The following NLRP12 variants were observed in gnomAD, a reference collection of about 807,000 sequenced individuals.
The protein encoded by NLRP12 is NACHT, LRR and PYD domains-containing protein 12.
NLRP12 carries 108 observed loss-of-function variants against 91.2 expected under a neutral mutation model. The observed-to-expected ratio is 1.18, with a 90% CI of 1.01 to 1.39. The LOEUF (loss-of-function observed/expected upper bound fraction) is 1.39. NLRP12 is among the 40% of genes most tolerant of loss of function. The pLI, the probability that NLRP12 is intolerant of heterozygous loss-of-function variation, is 0.00. For synonymous variants in NLRP12, 613 were observed against 566.7 expected, an observed-to-expected ratio of 1.08 and a Z score of -1.16; for missense variants, 1,530 against 1,352.7, an observed-to-expected ratio of 1.13 and a Z score of -2.06.
intron 1 of NLRP12, among the ~76,000 whole-genome samples, chr19:53,817,014 G>T (rs1207449914): frequency 9.3e-3 from 1 of 108 alleles, no homozygotes; most frequent in Non-Finnish European, 0.019. Flanking sequence ...AAGAGGGCCA[G>T]GGCGCGGTGG....
intron 1 of NLRP12, among the ~76,000 whole-genome samples, chr19:53,822,529 A>C (rs1313422027): frequency 5.3e-5 from 8 of 151,944 alleles, no homozygotes; most frequent in African/African-American, 1.7e-4. Flanking sequence ...TCAGAAGTTC[A>C]AGACCAGCCT....
intron 7 of NLRP12, 85 bp downstream of exon 7, chr19:53,801,142 A>AG: frequency 7.9e-7 from 1 of 1,261,256 alleles, no homozygotes; most frequent in Non-Finnish European, 1.2e-6. Context: ...TTAGGAGCAG[A>AG]GACAACCTGG....
rs1480083584 is a variant in NLRP12, at chr19:53,809,969, ACAGGAAGCGGCTGGTGAGTGC to A, written c.1669_1689del (p.Ala557_Leu563del). On this transcript the variant is annotated inframe_deletion, in exon 3 of 10. Coordinates refer to ENST00000324134, the MANE Select transcript of NLRP12 (RefSeq NM_144687.4). ...CTGGTCTCCTCGTTCAGGAGTCCAAACAGGAAGCGGCTGGTGAGTGCCAGGAAGCTCCTTTCAGAAAACGCG... is the reference window on the plus strand; with the variant it reads ...CTGGTCTCCTCGTTCAGGAGTCCAAACAGGAAGCTCCTTTCAGAAAACGCG... 3.1e-6 allele frequency: 5 copies of A among 1,614,104 alleles called. No individual in the cohort carries two copies. The highest frequency in any genetic ancestry group is 4.2e-6 in the Non-Finnish European group (5 of 1,180,028).
chr19:53,809,811 G>A lies in NLRP12; in HGVS notation c.1848C>T (p.Cys616=). Residue 616 remains cysteine, a synonymous_variant, in exon 3 of 10, where the codon TGC becomes TGT. Transcript: ENST00000324134. ...ACTCCTCCTCCTGGATCTCGTACAAGCAGCTGAAGAACTCCAAGGAGCCCT... is the reference window on the plus strand; with the variant it reads ...ACTCCTCCTCCTGGATCTCGTACAAACAGCTGAAGAACTCCAAGGAGCCCT... ...LQQGSLEFFS[C]LYEIQEEEFI... 2 of 1,614,128 alleles carry A rather than the reference G, an allele frequency of 1.2e-6. No homozygotes were observed. Among genetic ancestry groups the A allele is most frequent in the South Asian group, 2.2e-5 (2 of 91,090 alleles).
intron 2 of NLRP12, among the ~76,000 whole-genome samples, chr19:53,814,384 A>T (rs2092124927): frequency 6.6e-6 from 1 of 150,526 alleles, no homozygotes; most frequent in African/African-American, 2.4e-5. Context: ...ATGGAGTCTC[A>T]CTCTGTTGCC....
At position 53,798,334 on chromosome 19, in the gene NLRP12, G is replaced by C. The variant is rs1376488367; in HGVS notation, c.2836C>G (p.Leu946Val). 1 of 1,614,138 alleles carries C rather than the reference G, an allele frequency of 6.2e-7. No individual in the cohort carries two copies. Among genetic ancestry groups the C allele is most frequent in the Non-Finnish European group, 8.5e-7 (1 of 1,180,028 alleles). The change falls in exon 8 of 10, where the codon CTG becomes GTG. Residue 946 changes from leucine to valine, a missense_variant. By Grantham distance (32) the Leu-to-Val change is conservative. Transcript: ENST00000324134. ...CCCAGGTCGTTGAAACTCAAGTCCA[G>C]CTCCCGGAGGTTGTGGTTGGCCTGG... is the stretch of plus-strand genomic sequence containing the variant. ...VLQANHNLRE[L>V]DLSFNDLGDW... is the part of the protein sequence containing the mutation.
intron 1 of NLRP12, among the ~76,000 whole-genome samples, chr19:53,816,661 A>G (rs987083380): frequency 5.3e-5 from 8 of 152,088 alleles, no homozygotes; most frequent in Non-Finnish European, 1.0e-4. Context: ...AGCTGGGACT[A>G]CAGGCACCCA....
At chr19:53,809,566 G>T in intron 3 of NLRP12, 21 bp downstream of exon 3, 2 of 1,513,762 alleles carry the variant, frequency 1.3e-6, no homozygotes, top group South Asian at 1.1e-5. Context: ...CAGCCCCAGG[G>T]GATACCCCAG....
intron 7 of NLRP12, among the ~76,000 whole-genome samples, chr19:53,799,602 G>A (rs2091833144): frequency 6.6e-6 from 1 of 151,830 alleles, no homozygotes; most frequent in African/African-American, 2.4e-5. Flanking sequence ...TTCTGCCTCA[G>A]CCTCCTGAGT....
intron 3 of NLRP12, 58 bp downstream of exon 3, chr19:53,809,517 CAAAAAAAAAAAA>C (rs3973672): frequency 1.6e-5 from 11 of 691,922 alleles, no homozygotes; most frequent in Non-Finnish European, 2.0e-5. Flanking sequence ...GGCAACAGAG[CAAAAAAAAAAAA>C]AAAAAAAAAA....
At chr19:53,795,107 C>CTGT (rs1555792119) in intron 9 of NLRP12, among the ~76,000 whole-genome samples, 1,404 of 85,440 alleles carry the variant, frequency 0.016, 11 homozygotes, top group African/African-American at 0.038. Context: ...CTGGTGTGTG[C>CTGT]GTGTGTGTGT....
At position 53,809,937 on chromosome 19, in the gene NLRP12, G is replaced by A. The variant is rs766325126; in HGVS notation, c.1722C>T (p.His574=). The A allele has an allele frequency of 6.2e-7, 1 of 1,614,088 alleles. No homozygotes were observed. Among genetic ancestry groups the A allele is most frequent in the Admixed American group, 1.7e-5 (1 of 60,002 alleles). ...FGLLNEETRS[H]LEKSLCWKVS... The stretch of plus-strand genomic sequence containing the variant: ...CCTTCCAGCAGAGACTCTTCTCCAG[G>A]TGGCTCCTGGTCTCCTCGTTCAGGA... Residue 574 remains histidine (H), a synonymous_variant, in exon 3 of 10, where the codon CAC becomes CAT. Coordinates refer to ENST00000324134, the MANE Select transcript of NLRP12 (RefSeq NM_144687.4).
At chr19:53,821,452 A>T (rs2092264057) in intron 1 of NLRP12, among the ~76,000 whole-genome samples, 1 of 152,044 alleles carries the variant, frequency 6.6e-6, no homozygotes, top group South Asian at 2.1e-4. Flanking sequence ...CTGGATCATG[A>T]GGTCAGGAGA....
intron 4 of NLRP12, among the ~76,000 whole-genome samples, chr19:53,807,153 C>T (rs929885099): frequency 2.0e-5 from 3 of 151,744 alleles, no homozygotes; most frequent in East Asian, 1.9e-4. Context: ...CTGCAACCTC[C>T]GCCTCCCAGG....
intron 7 of NLRP12, 25 bp from the exon 8 acceptor site, chr19:53,798,438 G>A (rs778949532): frequency 1.9e-6 from 3 of 1,608,624 alleles, no homozygotes; most frequent in East Asian, 2.2e-5. Flanking sequence ...TGCTAGGGCG[G>A]AGTGGGAGGC....
Position 53,795,950 on chromosome 19 carries a change from G to T in NLRP12, c.3007C>A (p.Leu1003Ile), listed in dbSNP as rs367741104. 5.0e-6 allele frequency: 8 copies of T among 1,614,042 alleles called. No homozygotes were observed. The highest frequency in any genetic ancestry group is 4.0e-5 in the African/African-American group (3 of 74,936). Residue 1003 changes from leucine to isoleucine, a missense_variant, in exon 9 of 10, where the codon CTT (leucine) becomes ATT (isoleucine). Physicochemically the swap from Leu to Ile is conservative, Grantham distance 5 (BLOSUM62 2). Transcript: ENST00000324134. ...CCTAGGGCGTTGTTGGTCAGGTAAA[G>T]GTCGGTCAAGGTCTGGTTGATCCCC... ...TLGINQTLTD[L>I]YLTNNALGDT...
In NLRP12 at chr19:53,794,026, G is replaced by A; in HGVS notation, c.*23C>T. On this transcript the variant is annotated 3_prime_UTR_variant, in exon 10 of 10. Transcript: ENST00000324134. ...CATCTTCCTCTGTCCAGATCTCAGG[G>A]GAGAGCCAGCAGATAGGACCATTCA... 1.9e-6 allele frequency: 3 copies of A among 1,561,654 alleles called. No individual in the cohort carries two copies. The highest frequency in any genetic ancestry group is 2.6e-6 in the Non-Finnish European group (3 of 1,132,236).
chr19:53,819,385 C>T (rs1421434308), intron 1 of NLRP12, among the ~76,000 whole-genome samples: 2 of 132,706 alleles, frequency 1.5e-5, no homozygotes, highest in Admixed American at 1.7e-4. Flanking sequence ...GCTGGGATTA[C>T]AGGCGTGTGC....
intron 2 of NLRP12, among the ~76,000 whole-genome samples, chr19:53,813,228 C>T (rs1037133227): frequency 6.7e-6 from 1 of 150,318 alleles, no homozygotes; most frequent in African/African-American, 2.4e-5. Flanking sequence ...ACAGAAACTC[C>T]ATATCCATTA....
Sources: gnomAD v4.1 joint callset for allele counts (sites outside exome capture counted in the v4.1 genomes callset) on GRCh38, gnomAD v4.1.1 for gene constraint, MANE v1.5 for transcripts, NCBI Gene and HGNC (gene_info 2026-07-23, HGNC 2026-07-21) for gene names.